Variants in PRH1 observed in about 807,000 individuals in gnomAD.
PRH1 encodes the protein proline rich protein HaeIII subfamily 1, also known as salivary acidic proline-rich phosphoprotein 1/2.
In PRH1, 7 loss-of-function variants were observed where a neutral mutation model predicts 7.9. The ratio of observed to expected loss-of-function variants is 0.89; its 90% CI spans 0.50 to 1.67. The LOEUF (loss-of-function observed/expected upper bound fraction) is 1.67, where lower values mean the gene tolerates loss of function less well. PRH1 is among the 40% of genes most tolerant of loss of function. PRH1 has a pLI of 0.00. For missense variants in PRH1, 109 were observed against 223.6 expected (o/e 0.49, Z 3.27); for synonymous variants, 45 against 80.8 (o/e 0.56, Z 2.38).
At chr12:10,899,211 T>A (rs1949690302) in intron 2 of PRH1, among the ~76,000 whole-genome samples, 1 of 152,174 alleles carries the variant, frequency 6.6e-6, no homozygotes, top group African/African-American at 2.4e-5. Flanking sequence ...GACTTTGGAC[T>A]TCAGACATTT....
At chr12:10,944,300 C>T (rs1950450826) in intron 2 of PRH1, among the ~76,000 whole-genome samples, 1 of 152,016 alleles carries the variant, frequency 6.6e-6, no homozygotes, top group Admixed American at 6.6e-5. Flanking sequence ...TCACTTCCCT[C>T]GTTTGCTGTA....
chr12:10,974,761 C>T lies in PRH1; in HGVS notation c.-125-1040G>A, dbSNP rs769411497. 4.3e-4 allele frequency among the ~76,000 whole-genome samples: 66 copies of T among 152,124 alleles called. 1 individual carries two copies. Among genetic ancestry groups the T allele is most frequent in the Non-Finnish European group, 1.8e-4 (12 of 68,024 alleles). On this transcript the variant is annotated intron_variant, in intron 1 of 3. Transcript: ENST00000539853. ...ATGTCTTCTTACCTCCAAACAACCA[C>T]ACTAGTTCAGCAGCAATGGTTCTTG...
chr12:11,168,394 A>AAGAAAGAAAG (rs1565726631), intron 1 of PRH1, among the ~76,000 whole-genome samples: 1 of 99,106 alleles, frequency 1.0e-5, no homozygotes, highest in African/African-American at 3.3e-5. Flanking sequence ...GAAAGAAAGA[A>AAGAAAGAAAG]AGAAAGAAAG....
intron 2 of PRH1, among the ~76,000 whole-genome samples, chr12:10,920,124 A>G (rs1355849217): frequency 1.3e-5 from 2 of 151,818 alleles, no homozygotes; most frequent in African/African-American, 4.8e-5. Flanking sequence ...GAATGCCTTA[A>G]CTCAAGTGAT....
At chr12:11,009,197 T>C (rs1182308871) in intron 1 of PRH1, among the ~76,000 whole-genome samples, 2 of 151,918 alleles carry the variant, frequency 1.3e-5, no homozygotes, top group African/African-American at 2.4e-5. Flanking sequence ...AAGTCTACTG[T>C]TCCTTGGAAA....
At chr12:11,017,033 T>A (rs1204173834) in intron 1 of PRH1, among the ~76,000 whole-genome samples, 2 of 152,248 alleles carry the variant, frequency 1.3e-5, no homozygotes, top group Non-Finnish European at 2.9e-5. Flanking sequence ...TCCATAAATT[T>A]AAATCACTAC....
chr12:11,090,343 T>C lies in PRH1; in HGVS notation n.124-43155A>G, dbSNP rs1425701429. 2.6e-5 allele frequency among the ~76,000 whole-genome samples: 3 copies of C among 117,066 alleles called. 1 individual carries two copies. The highest frequency in any genetic ancestry group is 1.7e-4 in the Admixed American group (2 of 11,732). 76.8% of individuals were successfully genotyped at this position (117,066 alleles called of 152,430 possible). ...TCAAAAAGAGAGGATTTGAGTTCTC[T>C]TATCTGAAGTTTAGAAGGAATTTTA... On this transcript the variant is annotated intron_variant and non_coding_transcript_variant, in intron 1 of 4. Coordinates refer to the PRH1 transcript ENST00000541977.
intron 2 of PRH1, among the ~76,000 whole-genome samples, chr12:10,928,363 G>C (rs534144224): frequency 1.3e-5 from 2 of 152,048 alleles, no homozygotes; most frequent in South Asian, 4.1e-4. Context: ...TGAAGACTAC[G>C]GTATTTGTTA....
intron 1 of PRH1, among the ~76,000 whole-genome samples, chr12:11,093,838 C>A (rs1945005318): frequency 8.8e-6 from 1 of 113,582 alleles, no homozygotes; most frequent in Admixed American, 8.9e-5. Context: ...GGCTTCCATA[C>A]TGGGGATTCT....
At chr12:11,160,606 GA>G (rs1438752507) in intron 1 of PRH1, among the ~76,000 whole-genome samples, 1 of 152,092 alleles carries the variant, frequency 6.6e-6, no homozygotes, top group African/African-American at 2.4e-5. Flanking sequence ...GAGTAGCTGG[GA>G]CTATAGGCGA....
chr12:11,023,283 T>C (rs1941750031), intron 1 of PRH1, among the ~76,000 whole-genome samples: 1 of 152,162 alleles, frequency 6.6e-6, no homozygotes, highest in Non-Finnish European at 1.5e-5. Flanking sequence ...ATTATTTTCT[T>C]ATAATTCCCC....
At chr12:11,104,601 T>C (rs1945357686) in intron 1 of PRH1, among the ~76,000 whole-genome samples, 2 of 144,314 alleles carry the variant, frequency 1.4e-5, no homozygotes, top group Admixed American at 1.4e-4. Flanking sequence ...TTTGGAGGAC[T>C]GAGACATTTG....
intron 1 of PRH1, among the ~76,000 whole-genome samples, chr12:11,035,522 T>G (rs1942399638): frequency 6.6e-6 from 1 of 152,208 alleles, no homozygotes; most frequent in Admixed American, 6.5e-5. Flanking sequence ...ATCATTTTTC[T>G]AACGGAGAAA....
At chr12:10,969,595 C>G (rs1350653517) in intron 2 of PRH1, among the ~76,000 whole-genome samples, 2 of 152,120 alleles carry the variant, frequency 1.3e-5, no homozygotes, top group Non-Finnish European at 2.9e-5. Flanking sequence ...AAAATCATAG[C>G]AAACATGTCT....
At chr12:11,010,237 T>C (rs1387367396) in intron 1 of PRH1, among the ~76,000 whole-genome samples, 1 of 151,998 alleles carries the variant, frequency 6.6e-6, no homozygotes, top group Admixed American at 6.6e-5. Context: ...TTTAAAAATG[T>C]CTTAGACATT....
chr12:11,049,437 C>T (rs535594201), upstream of PRH1, among the ~76,000 whole-genome samples: 16 of 152,374 alleles, frequency 1.1e-4, no homozygotes. Context: ...TGGATGAATT[C>T]AAAGCTGTCT....
At chr12:11,032,167 C>T (rs1309683785) in intron 1 of PRH1, among the ~76,000 whole-genome samples, 1 of 152,206 alleles carries the variant, frequency 6.6e-6, no homozygotes, top group African/African-American at 2.4e-5. Flanking sequence ...CAAATAGGGA[C>T]ATATTCACTT....
intron 2 of PRH1, among the ~76,000 whole-genome samples, chr12:10,945,642 G>A (rs1041689167): frequency 1.3e-5 from 2 of 152,180 alleles, no homozygotes; most frequent in Non-Finnish European, 2.9e-5. Context: ...GGCATGAATT[G>A]TCATGGATAA....
At chr12:10,931,160 A>G (rs759283609) in intron 2 of PRH1, 3 of 1,578,484 alleles carry the variant, frequency 1.9e-6, no homozygotes, top group Non-Finnish European at 1.7e-6. Flanking sequence ...AATCTATTGA[A>G]AAGCTGTTAA....
Sources: gnomAD v4.1 joint callset for allele counts (sites outside exome capture counted in the v4.1 genomes callset) on GRCh38, gnomAD v4.1.1 for gene constraint, MANE v1.5 for transcripts, NCBI Gene and HGNC (gene_info 2026-07-23, HGNC 2026-07-21) for gene names.